ANOS1: variants seen among roughly 807,000 people sequenced by gnomAD.
ANOS1 encodes the protein anosmin-1.
Under a neutral mutation model 59.0 loss-of-function variants are expected in ANOS1, and 6 were observed. The ratio of observed to expected loss-of-function variants is 0.10; its 90% confidence interval spans 0.06 to 0.20. The LOEUF is 0.20. ANOS1 is among the 10% of genes least tolerant of loss of function. The probability of loss-of-function intolerance (pLI) is 1.00; values close to 1 mark genes in which losing one functional copy is unlikely to be tolerated. For missense variants in ANOS1, 433 were observed against 542.3 expected (o/e 0.80, Z 2.00); for synonymous variants, 217 against 223.4 (o/e 0.97, Z 0.25).
At chrX:8,669,486 A>G (rs1389377597) in intron 2 of ANOS1, among the ~76,000 whole-genome samples, 1 of 111,011 alleles carries the variant, frequency 9.0e-6, no homozygotes, top group African/African-American at 3.3e-5. Flanking sequence ...AAGGGAGGGC[A>G]TGGGAACTCT....
chrX:8,601,666 C>T (rs1294429602), intron 3 of ANOS1, among the ~76,000 whole-genome samples: 2 of 111,771 alleles, frequency 1.8e-5, no homozygotes, highest in Non-Finnish European at 3.8e-5. Flanking sequence ...CATAGAAACA[C>T]ATATGTTCAT....
chrX:8,678,642 T>G (rs1367336634), intron 2 of ANOS1, among the ~76,000 whole-genome samples: 1 of 111,352 alleles, frequency 9.0e-6, no homozygotes, highest in Non-Finnish European at 1.9e-5. Context: ...TTGTCTACAT[T>G]GTACAATGAG....
chrX:8,712,114 A>G (rs958903788), intron 1 of ANOS1, among the ~76,000 whole-genome samples: 17 of 111,710 alleles, frequency 1.5e-4, no homozygotes, highest in African/African-American at 5.0e-4. Flanking sequence ...TGGAAGTGTG[A>G]GACCAAGTTA....
intron 2 of ANOS1, among the ~76,000 whole-genome samples, chrX:8,623,979 T>C (rs1931343318): frequency 9.2e-6 from 1 of 108,616 alleles, no homozygotes; most frequent in Non-Finnish European, 1.9e-5. Context: ...AGACATATTT[T>C]CTATTCAGTA....
At chrX:8,605,409 AAAGTT>A (rs749803008) in intron 3 of ANOS1, among the ~76,000 whole-genome samples, 7 of 111,602 alleles carry the variant, frequency 6.3e-5, no homozygotes, top group Non-Finnish European at 1.9e-5. Flanking sequence ...ACAAAAACAT[AAAGTT>A]AAGAAATAAA....
At chrX:8,705,784 T>C (rs1932776471) in intron 1 of ANOS1, among the ~76,000 whole-genome samples, 1 of 112,874 alleles carries the variant, frequency 8.9e-6, no homozygotes, top group Non-Finnish European at 1.9e-5. Flanking sequence ...CAATAAAGTC[T>C]TGTTCTGGCT....
chrX:8,666,404 C>G (rs752295702), intron 2 of ANOS1, among the ~76,000 whole-genome samples: 69 of 111,360 alleles, frequency 6.2e-4, no homozygotes, highest in African/African-American at 2.1e-3. Flanking sequence ...TTCAACAACT[C>G]CCCAACCAGT....
chrX:8,658,999 C>T (rs1037575145), intron 2 of ANOS1, among the ~76,000 whole-genome samples: 42 of 111,278 alleles, frequency 3.8e-4, no homozygotes, highest in Non-Finnish European at 5.3e-4. Context: ...GAGGCCGAGG[C>T]GGGCGGATCA....
intron 1 of ANOS1, among the ~76,000 whole-genome samples, chrX:8,719,173 T>C (rs1299394910): frequency 8.9e-6 from 1 of 111,802 alleles, no homozygotes; most frequent in East Asian, 2.8e-4. Context: ...TAAAAATCTC[T>C]CTCCCGTATT....
chrX:8,675,241 C>G (rs1286821564), intron 2 of ANOS1, among the ~76,000 whole-genome samples: 1 of 111,728 alleles, frequency 9.0e-6, no homozygotes, highest in Non-Finnish European at 1.9e-5. Flanking sequence ...AAAGAGACTC[C>G]AAAGTATTTT....
intron 2 of ANOS1, among the ~76,000 whole-genome samples, chrX:8,649,065 A>G (rs1220187899): frequency 1.8e-5 from 2 of 111,811 alleles, no homozygotes; most frequent in Non-Finnish European, 3.8e-5. Flanking sequence ...TTAAGAAGTG[A>G]AAATCCACTA....
intron 6 of ANOS1, 73 bp from the exon 7 acceptor site, chrX:8,570,777 G>T: frequency 1.0e-6 from 1 of 957,873 alleles, no homozygotes; most frequent in Non-Finnish European, 1.5e-6. Context: ...ATGACTACAT[G>T]GTCAACACGT....
chrX:8,602,433 C>T (rs769665251), intron 3 of ANOS1, among the ~76,000 whole-genome samples: 3 of 111,167 alleles, frequency 2.7e-5, no homozygotes, highest in African/African-American at 9.8e-5. Context: ...TAATTTCTGA[C>T]CATTAAGCAT....
chrX:8,702,734 G>C (rs1459630201), intron 1 of ANOS1, among the ~76,000 whole-genome samples: 1 of 112,265 alleles, frequency 8.9e-6, no homozygotes, highest in Non-Finnish European at 1.9e-5. Context: ...ACACCTGTCT[G>C]AGCACATCCT....
intron 2 of ANOS1, among the ~76,000 whole-genome samples, chrX:8,657,191 T>A (rs1931946491): frequency 8.9e-6 from 1 of 112,542 alleles, no homozygotes; most frequent in Non-Finnish European, 1.9e-5. Context: ...TGGGTGATAT[T>A]TCGTGCATCC....
At chrX:8,599,665 G>A (rs761697847) in intron 3 of ANOS1, among the ~76,000 whole-genome samples, 26 of 111,284 alleles carry the variant, frequency 2.3e-4, no homozygotes, top group African/African-American at 5.2e-4. Context: ...CTACCACGAG[G>A]TAACACCTGC....
At chrX:8,554,542 GTTTT>G (rs757605733) in intron 8 of ANOS1, among the ~76,000 whole-genome samples, 575 of 50,780 alleles carry the variant, frequency 0.011, 2 homozygotes, top group Non-Finnish European at 0.016. Context: ...GGCTACAGGA[GTTTT>G]TTTTTTTTTT....
At chrX:8,613,214 C>CT (rs57906399) in intron 3 of ANOS1, among the ~76,000 whole-genome samples, 46,002 of 103,239 alleles carry the variant, frequency 0.45, 8,283 homozygotes, top group African/African-American at 0.63. Flanking sequence ...CTTGTTCCTT[C>CT]TTTTTTTTTT....
chrX:8,555,686 G>A (rs955491859), intron 8 of ANOS1, among the ~76,000 whole-genome samples: 1 of 110,362 alleles, frequency 9.1e-6, no homozygotes, highest in African/African-American at 3.3e-5. Flanking sequence ...CCAGGAAGAA[G>A]TTGAATCTCT....
Sources: gnomAD v4.1 joint callset for allele counts (sites outside exome capture counted in the v4.1 genomes callset) on GRCh38, gnomAD v4.1.1 for gene constraint, MANE v1.5 for transcripts, NCBI Gene and HGNC (gene_info 2026-07-23, HGNC 2026-07-21) for gene names.